Variants in RELCH observed in about 807,000 individuals in gnomAD.
The protein encoded by RELCH is RAB11-binding protein RELCH.
RELCH carries 41 observed loss-of-function variants against 150.3 expected under a neutral mutation model. That is an observed-to-expected ratio of 0.27 (90% CI 0.21 to 0.35). The LOEUF (loss-of-function observed/expected upper bound fraction) is 0.35, where lower values mean the gene tolerates loss of function less well. Ranked by LOEUF, RELCH falls within the 10% of genes least tolerant of loss-of-function variation. RELCH has a pLI of 1.00. For missense variants in RELCH, 1,092 were observed against 1,467.8 expected (o/e 0.74, Z 4.18); for synonymous variants, 478 against 531.8 (o/e 0.90, Z 1.39).
At chr18:62,231,989 T>G (rs998714366) in intron 9 of RELCH, among the ~76,000 whole-genome samples, 1 of 152,044 alleles carries the variant, frequency 6.6e-6, no homozygotes, top group Non-Finnish European at 1.5e-5. Context: ...TGAGCATCTC[T>G]TCAAAGACAA....
chr18:62,302,589 C>T (rs1327633531), intron 28 of RELCH, among the ~76,000 whole-genome samples: 1 of 152,056 alleles, frequency 6.6e-6, no homozygotes, highest in Non-Finnish European at 1.5e-5. Context: ...GGCACCATCT[C>T]GGCTCACTGC....
intron 1 of RELCH, among the ~76,000 whole-genome samples, chr18:62,195,368 T>C (rs2038962477): frequency 6.6e-6 from 1 of 151,982 alleles, no homozygotes; most frequent in Non-Finnish European, 1.5e-5. Context: ...GTACTTTGTT[T>C]TCTAGTTACA....
At chr18:62,225,079 G>A (rs1445575595) in intron 5 of RELCH, among the ~76,000 whole-genome samples, 1 of 151,976 alleles carries the variant, frequency 6.6e-6, no homozygotes, top group Non-Finnish European at 1.5e-5. Flanking sequence ...GTTGAATTCT[G>A]ACAAAATGCA....
chr18:62,273,093 C>T (rs989148249), intron 20 of RELCH, among the ~76,000 whole-genome samples: 1 of 150,642 alleles, frequency 6.6e-6, no homozygotes, highest in Non-Finnish European at 1.5e-5. Flanking sequence ...TTGATACATT[C>T]AGAAGCTATT....
intron 1 of RELCH, among the ~76,000 whole-genome samples, chr18:62,195,613 T>C (rs1390597041): frequency 6.6e-6 from 1 of 152,166 alleles, no homozygotes; most frequent in Non-Finnish European, 1.5e-5. Flanking sequence ...CAGATTTTTA[T>C]AAGGCAGCTA....
At chr18:62,230,085 G>T (rs140101430) in intron 8 of RELCH, among the ~76,000 whole-genome samples, 3,526 of 152,108 alleles carry the variant, frequency 0.023, 43 homozygotes, top group Middle Eastern at 0.082. Flanking sequence ...TCTATATTCA[G>T]ACATTGGTAA....
chr18:62,194,313 G>A (rs191085602), intron 1 of RELCH, among the ~76,000 whole-genome samples: 11 of 152,216 alleles, frequency 7.2e-5, no homozygotes, highest in Non-Finnish European at 7.4e-5. Context: ...CCAGTTGACT[G>A]TTTTTTTCTT....
chr18:62,250,462 C>T (rs1460812930), intron 11 of RELCH, among the ~76,000 whole-genome samples: 1 of 152,204 alleles, frequency 6.6e-6, no homozygotes, highest in Non-Finnish European at 1.5e-5. Flanking sequence ...AGGAAATGTT[C>T]ATTAGGAGCA....
At chr18:62,264,251 AT>A in intron 17 of RELCH, 106 bp downstream of exon 17, 3 of 876,120 alleles carry the variant, frequency 3.4e-6, no homozygotes, top group South Asian at 1.7e-5. Context: ...ACTCGGCATC[AT>A]TTTTGGTAAA....
rs555135995 is a variant in RELCH, at chr18:62,271,628, C to T, written c.2761-2352C>T. ...TTGTCTATTTTGGCTTTTGTTGTCA[C>T]TGCTTTTGGTGTTTTAGTCATGAAG... is the stretch of plus-strand genomic sequence containing the variant. On this transcript the variant is annotated intron_variant, in intron 20 of 28. Coordinates refer to ENST00000644646, the MANE Select transcript of RELCH (RefSeq NM_001346231.2). Among the ~76,000 whole-genome samples the T allele has an allele frequency of 1.0e-3, 152 of 152,130 alleles. 1 individual carries two copies. Among genetic ancestry groups the T allele is most frequent in the African/African-American group, 3.6e-3 (148 of 41,508 alleles).
intron 11 of RELCH, among the ~76,000 whole-genome samples, chr18:62,250,046 T>C (rs1340266765): frequency 1.3e-5 from 2 of 152,198 alleles, no homozygotes; most frequent in African/African-American, 4.8e-5. Flanking sequence ...TATCATTTAC[T>C]AATGAAACAA....
Position 62,264,821 on chromosome 18 carries a change from G to T in RELCH, c.2600G>T (p.Arg867Leu). 4 of 1,607,636 alleles carry T rather than the reference G, an allele frequency of 2.5e-6. No individual in the cohort carries two copies. The highest frequency in any genetic ancestry group is 1.3e-5 in the African/African-American group (1 of 74,652). ...EFSRFFWRLC[R>L]TFGKIFTNTK... ...TCCAGATTTTTCTGGCGCCTTTGCC[G>T]GACATTTGGCAAAATTTTTACAAAC... is the stretch of plus-strand genomic sequence containing the variant. Residue 867 changes from arginine (R) to leucine (L), a missense_variant, in exon 18 of 29, where the codon CGG (arginine) becomes CTG (leucine). By Grantham distance (102) the Arg-to-Leu change is moderately radical (BLOSUM62 -2). Transcript: ENST00000644646.
intron 16 of RELCH, among the ~76,000 whole-genome samples, chr18:62,261,951 C>T (rs2043293670): frequency 6.6e-6 from 1 of 151,884 alleles, no homozygotes. Flanking sequence ...ATATTTCCTT[C>T]CGTTAATAGA....
Position 62,187,753 on chromosome 18 carries a change from G to A in RELCH, c.248G>A (p.Gly83Glu). The A allele has an allele frequency of 6.2e-7, 1 of 1,611,756 alleles. No individual in the cohort carries two copies. The change falls in exon 1 of 29, where the codon GGG becomes GAG. Residue 83 changes from glycine to glutamate, a missense_variant. Coordinates refer to ENST00000644646, the MANE Select transcript of RELCH (RefSeq NM_001346231.2). ...GCGTCGGCGGCTGCAGTGGCCCTGG[G>A]GGGCACCGGGGAGACCCCGGCCCGA... is the stretch of plus-strand genomic sequence containing the variant. Reference protein sequence around the residue: ...GEASAAAVALGGTGETPARLS... With the variant: ...GEASAAAVALEGTGETPARLS...
chr18:62,297,103 A>G (rs1342754090), intron 27 of RELCH, among the ~76,000 whole-genome samples: 1 of 152,196 alleles, frequency 6.6e-6, no homozygotes, highest in African/African-American at 2.4e-5. Flanking sequence ...TCCCTTTGCA[A>G]CCTTGAAGAG....
intron 5 of RELCH, 31 bp from the exon 6 acceptor site, chr18:62,227,258 A>C (rs567994650): frequency 7.1e-7 from 1 of 1,417,230 alleles, no homozygotes; most frequent in East Asian, 2.3e-5. Context: ...ATTTCCTCGA[A>C]GATTTTTTAT....
At chr18:62,194,448 T>C (rs904965105) in intron 1 of RELCH, among the ~76,000 whole-genome samples, 1 of 152,220 alleles carries the variant, frequency 6.6e-6, no homozygotes, top group Non-Finnish European at 1.5e-5. Context: ...AGGAACCGTA[T>C]TTTAATGAAG....
rs2040581370 is a variant in RELCH at position 62,217,812 on chromosome 18, A to G, written c.617-3225A>G. ...ACACCAACTTTGAGATGAGTGATAG[A>G]GGAACTCAAGCAGAAAGAACAATAG... On this transcript the variant is annotated intron_variant, in intron 2 of 28. Coordinates refer to ENST00000644646, the MANE Select transcript of RELCH (RefSeq NM_001346231.2). Among the ~76,000 whole-genome samples the G allele has an allele frequency of 1.3e-5, 2 of 152,016 alleles. 1 individual carries two copies. Among genetic ancestry groups the G allele is most frequent in the South Asian group, 4.1e-4 (2 of 4,832 alleles).
At chr18:62,248,584 G>T (rs1176409768) in intron 11 of RELCH, among the ~76,000 whole-genome samples, 1 of 152,074 alleles carries the variant, frequency 6.6e-6, no homozygotes, top group Non-Finnish European at 1.5e-5. Flanking sequence ...TATATGCCAT[G>T]CTTGATTTCT....
Sources: gnomAD v4.1 joint callset for allele counts (sites outside exome capture counted in the v4.1 genomes callset) on GRCh38, gnomAD v4.1.1 for gene constraint, MANE v1.5 for transcripts, NCBI Gene and HGNC (gene_info 2026-07-23, HGNC 2026-07-21) for gene names.